The following LIPE variants were observed in gnomAD, a reference collection of about 807,000 sequenced individuals.
LIPE encodes hormone-sensitive lipase.
Under a neutral mutation model 88.5 loss-of-function variants are expected in LIPE, and 66 were observed. The observed-to-expected ratio is 0.75, with a 90% CI of 0.61 to 0.91. The LOEUF is 0.91. LIPE is among the 40% of genes least tolerant of loss of function. The pLI, the probability that LIPE is intolerant of heterozygous loss-of-function variation, is 0.00. For synonymous variants in LIPE, 570 were observed against 617.5 expected (o/e 0.92, Z 1.14); for missense variants, 1,346 against 1,434.7 (o/e 0.94, Z 1.00).
chr19:42,423,858 A>T, intron 1 of LIPE: 6 of 1,122,596 alleles, frequency 5.3e-6, no homozygotes, highest in Non-Finnish European at 6.6e-6. Context: ...CCAGCAGGGA[A>T]GTCCCGATCT....
intron 1 of LIPE, chr19:42,424,711 G>C (rs1233698703): frequency 1.4e-5 from 6 of 433,582 alleles, no homozygotes; most frequent in Non-Finnish European, 2.3e-5. Flanking sequence ...TTCAGGATTA[G>C]GGCTGCGTTG....
Position 42,407,533 on chromosome 19 carries a change from T to C in LIPE, c.1843-65A>G, listed in dbSNP as rs949253988. On this transcript the variant is annotated intron_variant, in intron 5 of 9. Coordinates refer to ENST00000244289, the MANE Select transcript of LIPE (RefSeq NM_005357.4). This position sits in a 1 kb window ranked among gnomAD's most constrained non-coding sequence, Gnocchi z 5.8. ...AGCTGGCCAGGGCTGCACCCCTCCA[T>C]GGGGATGCCAAGGTGGGGGCTGCCC... 5.1e-6 allele frequency: 8 copies of C among 1,577,458 alleles called. No homozygotes were observed. Among genetic ancestry groups the C allele is most frequent in the African/African-American group, 4.0e-5 (3 of 74,320 alleles).
At chr19:42,423,785 A>C in intron 1 of LIPE, 1 of 1,104,238 alleles carries the variant, frequency 9.1e-7, no homozygotes, top group Non-Finnish European at 1.1e-6. Flanking sequence ...CAAAAAGGCA[A>C]CCCCGGGGGT....
rs201890153 is a variant in LIPE at position 42,420,009 on chromosome 19, C to CT, written c.883+6257dup. ...CTCCCAAAGTGCTGGGATTTCTTTT[C>CT]TTTTTTTTTTTTTTTTCATTCTCAA... On this transcript the variant is annotated intron_variant, in intron 1 of 9. Coordinates refer to ENST00000244289, the MANE Select transcript of LIPE (RefSeq NM_005357.4). 2.7e-3 allele frequency among the ~76,000 whole-genome samples: 345 copies of CT among 128,616 alleles called. 2 individuals are homozygous for CT. The highest frequency in any genetic ancestry group is 7.6e-3 in the Middle Eastern group (2 of 264). 84.4% of individuals were successfully genotyped at this position (128,616 alleles called of 152,430 possible). A position where few individuals can be genotyped will look rare whatever the true frequency, so the allele number is the denominator to read the frequency against.
At position 42,408,338 on chromosome 19, in the gene LIPE, G is replaced by A. The variant is rs1040983034; in HGVS notation, c.1420-16C>T. ...CAGGCGTGAACTGTGGAGAGACGCGGCTGCGTCACCCACCGCTCAAGAGAG... is the reference window on the plus strand; with the variant it reads ...CAGGCGTGAACTGTGGAGAGACGCGACTGCGTCACCCACCGCTCAAGAGAG... On this transcript the variant is annotated splice_polypyrimidine_tract_variant and intron_variant, in intron 2 of 9. Transcript: ENST00000244289. The surrounding 1 kb of genome is among the most constrained non-coding windows in gnomAD (Gnocchi z 4.3). 1.9e-6 allele frequency: 3 copies of A among 1,606,490 alleles called. No individual in the cohort carries two copies. Among genetic ancestry groups the A allele is most frequent in the East Asian group, 4.5e-5 (2 of 44,854 alleles).
At chr19:42,425,922 C>G (rs1437109176) in intron 1 of LIPE, among the ~76,000 whole-genome samples, 3 of 152,104 alleles carry the variant, frequency 2.0e-5, no homozygotes, top group Non-Finnish European at 2.9e-5. Context: ...CTGCCTCAGC[C>G]TCCCGAGTAG....
chr19:42,406,101 T>A lies in LIPE; in HGVS notation c.2365+60A>T. 6.9e-7 allele frequency: 1 copy of A among 1,448,164 alleles called. No individual in the cohort carries two copies. 89.7% of individuals were successfully genotyped at this position (1,448,164 alleles called of 1,614,324 possible). Reference sequence around the variant, plus strand: ...CACAGGAGTCCTGGTCCCCAGCCCGTCCCTGCAGGAGTCAGACATCCATGC... The same window carrying A: ...CACAGGAGTCCTGGTCCCCAGCCCGACCCTGCAGGAGTCAGACATCCATGC... On this transcript the variant is annotated intron_variant, in intron 7 of 9. Coordinates refer to ENST00000244289, the MANE Select transcript of LIPE (RefSeq NM_005357.4). This position sits in a 1 kb window ranked among gnomAD's most constrained non-coding sequence, Gnocchi z 5.7.
rs2040194830 is a variant in LIPE at position 42,406,678 on chromosome 19, G to C, written c.2138-290C>G. On this transcript the variant is annotated intron_variant, in intron 6 of 9. Coordinates refer to ENST00000244289, the MANE Select transcript of LIPE (RefSeq NM_005357.4). This position sits in a 1 kb window ranked among gnomAD's most constrained non-coding sequence, Gnocchi z 5.7. ...CAGGGAGGGCAGGTGGTGGGAAAGG[G>C]GAGCTGAGCTCAGGCCTGTTGCAGG... Among the ~76,000 whole-genome samples the C allele has an allele frequency of 6.6e-6, 1 of 152,140 alleles. No individual in the cohort carries two copies. The highest frequency in any genetic ancestry group is 1.5e-5 in the Non-Finnish European group (1 of 68,020).
At chr19:42,424,320 A>C in intron 1 of LIPE, 1 of 458,758 alleles carries the variant, frequency 2.2e-6, no homozygotes, top group Non-Finnish European at 4.4e-6. Context: ...CGGGAAACAG[A>C]GGAGGCTCGA....
At chr19:42,412,079 C>CT (rs1369085009) in intron 1 of LIPE, among the ~76,000 whole-genome samples, 2 of 152,234 alleles carry the variant, frequency 1.3e-5, no homozygotes, top group East Asian at 3.8e-4. Context: ...GAAGCCACAT[C>CT]TCAAAACTTG....
chr19:42,419,193 G>A (rs1370713230), intron 1 of LIPE, among the ~76,000 whole-genome samples: 3 of 152,166 alleles, frequency 2.0e-5, no homozygotes, highest in African/African-American at 4.8e-5. Context: ...CAGGAGAATC[G>A]CTTGAACCTG....
At position 42,426,840 on chromosome 19, in the gene LIPE, C is replaced by T. The variant is rs969051298; in HGVS notation, c.310G>A (p.Val104Met). The change falls in exon 1 of 10, where the codon GTG (valine) becomes ATG (methionine). Residue 104 changes from valine (V) to methionine (M), a missense_variant. By Grantham distance (21) the Val-to-Met change is conservative. Transcript: ENST00000244289. ...GCAGCTTCCTGTTGAGTGAGCAGCA[C>T]CCTTTGGATGTAAGGTGATTGCTGT... The part of the protein sequence containing the change: ...APQQSPYIQR[V>M]LLTQQEAASQ... 2 of 1,614,138 alleles carry T rather than the reference C, an allele frequency of 1.2e-6. No individual in the cohort carries two copies. The highest frequency in any genetic ancestry group is 1.7e-6 in the Non-Finnish European group (2 of 1,180,024).
Position 42,401,626 on chromosome 19 carries a change from G to A in LIPE, c.*186C>T. 3.6e-6 allele frequency: 2 copies of A among 558,694 alleles called. No homozygotes were observed. The highest frequency in any genetic ancestry group is 6.1e-6 in the Non-Finnish European group (2 of 327,928). The allele number at this position is 558,694 out of a possible 1,614,324, so 34.6% of individuals were successfully genotyped here. Reference sequence around the variant, plus strand: ...CAGCAAAAGGCAGCGGTGGCGTGCAGGTCCAGCCGTCTCGGTGACCGGTGT... The same window carrying A: ...CAGCAAAAGGCAGCGGTGGCGTGCAAGTCCAGCCGTCTCGGTGACCGGTGT... On this transcript the variant is annotated 3_prime_UTR_variant, in exon 10 of 10. Coordinates refer to ENST00000244289, the MANE Select transcript of LIPE (RefSeq NM_005357.4).
chr19:42,411,094 G>A lies in LIPE; in HGVS notation c.884-252C>T, dbSNP rs547037246. Among the ~76,000 whole-genome samples, 7 of 152,202 alleles carry A rather than the reference G, an allele frequency of 4.6e-5. No individual in the cohort carries two copies. The South Asian group carries it at 1.5e-3, about 32-fold the overall frequency. On this transcript the variant is annotated intron_variant, in intron 1 of 9. Transcript: ENST00000244289. ...TCCCTCCTCGGGAGCCAGGAGTTTG[G>A]GCCCTCAGCTCCCTCCTCCCTCAGA...
At chr19:42,405,589 T>C in intron 7 of LIPE, 28 bp from the exon 8 acceptor site, 1 of 1,591,194 alleles carries the variant, frequency 6.3e-7, no homozygotes, top group Non-Finnish European at 8.6e-7. Context: ...GTAGCTGAGT[T>C]GTTTTCCCCT....
chr19:42,424,256 C>T (rs1357121267), intron 1 of LIPE: 2 of 553,756 alleles, frequency 3.6e-6, no homozygotes, highest in African/African-American at 3.8e-5. Flanking sequence ...AGCTTCAGGC[C>T]GCGGGCCGGC....
chr19:42,407,556 C>T lies in LIPE; in HGVS notation c.1842+50G>A, dbSNP rs957487807. The T allele has an allele frequency of 3.8e-6, 6 of 1,576,218 alleles. No individual in the cohort carries two copies. Among genetic ancestry groups the T allele is most frequent in the Non-Finnish European group, 5.2e-6 (6 of 1,158,294 alleles). ...CATGGGGATGCCAAGGTGGGGGCTGCCCACGCTCCTCGGCTCTGTCCCTGT... is the reference window on the plus strand; with the variant it reads ...CATGGGGATGCCAAGGTGGGGGCTGTCCACGCTCCTCGGCTCTGTCCCTGT... On this transcript the variant is annotated intron_variant, in intron 5 of 9. Coordinates refer to ENST00000244289, the MANE Select transcript of LIPE (RefSeq NM_005357.4). The surrounding 1 kb of genome is among the most constrained non-coding windows in gnomAD (Gnocchi z 5.8).
At position 42,402,007 on chromosome 19, in the gene LIPE, C is replaced by T. The variant is rs2039989697; in HGVS notation, c.3036G>A (p.Gln1012=). The T allele has an allele frequency of 1.9e-6, 3 of 1,549,350 alleles. No homozygotes were observed. The highest frequency in any genetic ancestry group is 2.6e-6 in the Non-Finnish European group (3 of 1,149,028). ...CCTCCACCACGCGCAGCGTCACCGGCTGGCCCAGGTTGCGCAGTCGCCGCG... is the reference window on the plus strand; with the variant it reads ...CCTCCACCACGCGCAGCGTCACCGGTTGGCCCAGGTTGCGCAGTCGCCGCG... ...MLARRLRNLG[Q]PVTLRVVEDL... Residue 1012 remains glutamine, a synonymous_variant, in exon 10 of 10, where the codon CAG becomes CAA. Transcript: ENST00000244289.
chr19:42,423,831 G>A, intron 1 of LIPE: 1 of 1,110,978 alleles, frequency 9.0e-7, no homozygotes, highest in Non-Finnish European at 1.1e-6. Flanking sequence ...CTAGTGCGGA[G>A]CCCCGCGGGG....
Sources: allele counts gnomAD v4.1 joint callset (sites outside exome capture counted in the v4.1 genomes callset), GRCh38; gene constraint gnomAD v4.1.1; non-coding constraint Gnocchi (gnomAD v3.1); transcripts MANE v1.5; gene names NCBI Gene and HGNC (gene_info 2026-07-23, HGNC 2026-07-21).